Variants in OR51B5 observed in about 807,000 individuals in gnomAD.
The protein encoded by OR51B5 is olfactory receptor 51B5.
For missense variants in OR51B5, 456 were observed against 374.6 expected (o/e 1.22, Z -1.79); for synonymous variants, 186 against 144.8 (o/e 1.28, Z -2.04).
intron 1 of OR51B5, among the ~76,000 whole-genome samples, chr11:5,500,243 G>A (rs766959452): frequency 6.6e-6 from 1 of 152,152 alleles, no homozygotes; most frequent in African/African-American, 2.4e-5. Context: ...ACTTGAAACC[G>A]TTCTAAATCA....
intron 1 of OR51B5, chr11:5,431,057 G>A (rs1459361407): frequency 2.2e-6 from 1 of 453,336 alleles, no homozygotes; most frequent in Non-Finnish European, 4.5e-6. Context: ...AGATCTGAGT[G>A]GAGGCAGTAG....
chr11:5,489,629 TA>T (rs750553134), intron 1 of OR51B5: 1 of 1,613,578 alleles, frequency 6.2e-7, no homozygotes, highest in Non-Finnish European at 8.5e-7. Context: ...AGTCGACTTC[TA>T]AAACTGCTTC....
At chr11:5,502,226 T>A (rs1846304006) in intron 1 of OR51B5, among the ~76,000 whole-genome samples, 1 of 152,148 alleles carries the variant, frequency 6.6e-6, no homozygotes, top group South Asian at 2.1e-4. Flanking sequence ...AAGTTGAGAA[T>A]CAATGTCTCT....
chr11:5,344,813 C>G (rs956926724), upstream of OR51B5, among the ~76,000 whole-genome samples: 27 of 152,178 alleles, frequency 1.8e-4, no homozygotes, highest in African/African-American at 6.5e-4. Context: ...ATAAATAAGA[C>G]AATTTTAAAC....
chr11:5,418,156 C>CA (rs1328790093), intron 1 of OR51B5, among the ~76,000 whole-genome samples: 2 of 151,310 alleles, frequency 1.3e-5, no homozygotes, highest in African/African-American at 2.4e-5. Context: ...ATTGCAAGAA[C>CA]AAAAAACCAA....
intron 1 of OR51B5, among the ~76,000 whole-genome samples, chr11:5,477,858 C>G (rs959820785): frequency 1.3e-5 from 2 of 152,154 alleles, no homozygotes; most frequent in African/African-American, 4.8e-5. Flanking sequence ...CTCGGAGGGT[C>G]CTACGCCCAC....
chr11:5,407,375 A>C (rs539706164), intron 1 of OR51B5, among the ~76,000 whole-genome samples: 2 of 152,120 alleles, frequency 1.3e-5, no homozygotes, highest in Non-Finnish European at 2.9e-5. Context: ...CCTGAGTTTC[A>C]GCTGCCTTAA....
At chr11:5,467,552 C>G (rs1851155291) in intron 1 of OR51B5, among the ~76,000 whole-genome samples, 1 of 152,218 alleles carries the variant, frequency 6.6e-6, no homozygotes, top group African/African-American at 2.4e-5. Flanking sequence ...TTAAAGTCCA[C>G]ATATCATTCT....
intron 1 of OR51B5, among the ~76,000 whole-genome samples, chr11:5,413,435 A>G (rs10742671): frequency 0.82 from 124,943 of 152,122 alleles, 52,154 homozygotes; most frequent in Non-Finnish European, 0.89. Context: ...AGCTGGACAG[A>G]GAATGACTTT....
intron 1 of OR51B5, among the ~76,000 whole-genome samples, chr11:5,437,459 T>C (rs952764461): frequency 1.3e-5 from 2 of 152,132 alleles, no homozygotes; most frequent in Non-Finnish European, 2.9e-5. Flanking sequence ...CCTCCTGAAC[T>C]CCCACTCCCA....
At chr11:5,488,873 A>G in intron 1 of OR51B5, 1 of 1,613,976 alleles carries the variant, frequency 6.2e-7, no homozygotes, top group Non-Finnish European at 8.5e-7. Context: ...GCCATGGACA[A>G]TGCTCTTCAT....
At chr11:5,468,058 T>C (rs1851164376) in intron 1 of OR51B5, among the ~76,000 whole-genome samples, 1 of 152,232 alleles carries the variant, frequency 6.6e-6, no homozygotes, top group Non-Finnish European at 1.5e-5. Context: ...ATATCTTTAG[T>C]TTTTGAGTTT....
chr11:5,443,498 C>G (rs1397697576), intron 1 of OR51B5, among the ~76,000 whole-genome samples: 1 of 150,216 alleles, frequency 6.7e-6, no homozygotes, highest in Non-Finnish European at 1.5e-5. Flanking sequence ...TTAGATCTAG[C>G]CTGTTCAGAT....
At chr11:5,356,325 G>A (rs866807518) in intron 1 of OR51B5, among the ~76,000 whole-genome samples, 10 of 152,074 alleles carry the variant, frequency 6.6e-5, no homozygotes, top group Non-Finnish European at 7.4e-5. Flanking sequence ...ACTACATGAT[G>A]AATGCACAAG....
intron 1 of OR51B5, chr11:5,440,986 G>A: frequency 3.1e-6 from 5 of 1,614,004 alleles, no homozygotes; most frequent in Non-Finnish European, 4.2e-6. Context: ...TAGGAGTGAT[G>A]CAAAACATTG....
At chr11:5,426,312 C>A (rs776869690) in intron 1 of OR51B5, among the ~76,000 whole-genome samples, 1 of 151,884 alleles carries the variant, frequency 6.6e-6, no homozygotes, top group Non-Finnish European at 1.5e-5. Flanking sequence ...TATGCACTTA[C>A]CAAAATCTAT....
chr11:5,422,298 TC>T (rs757560957), intron 1 of OR51B5: 6 of 1,613,958 alleles, frequency 3.7e-6, no homozygotes, highest in Non-Finnish European at 5.1e-6. Context: ...TCCATCCCCG[TC>T]TGCTGTCTCT....
At chr11:5,343,136 T>A in exon 1 of OR51B5, 3 of 1,613,730 alleles carry the variant, frequency 1.9e-6, no homozygotes, top group Non-Finnish European at 2.5e-6. Context: ...TACAGAGGTA[T>A]ATCTAAGAGG....
At chr11:5,441,301 C>A in intron 1 of OR51B5, 2 of 1,613,912 alleles carry the variant, frequency 1.2e-6, no homozygotes, top group Admixed American at 1.7e-5. Flanking sequence ...ACTCCCAGAT[C>A]ATTGAGAGCG....
Sources: allele counts gnomAD v4.1 joint callset (sites outside exome capture counted in the v4.1 genomes callset), GRCh38; gene constraint gnomAD v4.1.1; transcripts MANE v1.5; gene names NCBI Gene and HGNC (gene_info 2026-07-23, HGNC 2026-07-21).